SP7: variants seen among roughly 807,000 people sequenced by gnomAD.
The protein encoded by SP7 is Sp7 transcription factor.
In SP7, 13 loss-of-function variants were observed where a neutral mutation model predicts 27.9. The observed-to-expected ratio is 0.47, with a 90% confidence interval of 0.30 to 0.74. The LOEUF is 0.74. Ranked by LOEUF, SP7 falls within the 30% of genes least tolerant of loss-of-function variation. The pLI is 0.06. For missense variants in SP7, 525 were observed against 558.0 expected (o/e 0.94, Z 0.60); for synonymous variants, 219 against 226.7 (o/e 0.97, Z 0.31).
chr12:53,339,586 G>A (rs968013065), upstream of SP7, among the ~76,000 whole-genome samples: 12 of 152,012 alleles, frequency 7.9e-5, no homozygotes, highest in East Asian at 1.9e-4. Context: ...TCAGCTGAGC[G>A]TGGTGACGGG....
At chr12:53,335,879 A>G in intron 1 of SP7, 186 bp from the exon 2 acceptor site, 1 of 1,277,640 alleles carries the variant, frequency 7.8e-7, no homozygotes, top group Non-Finnish European at 1.0e-6. Flanking sequence ...GGAGGGCGAG[A>G]GAGGGAGGCA....
At chr12:53,342,189 G>C (rs1459426646) in intron 1 of SP7, among the ~76,000 whole-genome samples, 1 of 152,040 alleles carries the variant, frequency 6.6e-6, no homozygotes, top group East Asian at 1.9e-4. Flanking sequence ...CTTGAACCCA[G>C]AAGGCAGAGA....
In SP7 at chr12:53,326,804, G is replaced by T. The variant is rs996561664; in HGVS notation, c.*1342C>A. 2 of 152,474 alleles carry T rather than the reference G, an allele frequency of 1.3e-5. No individual in the cohort carries two copies. The highest frequency in any genetic ancestry group is 2.9e-5 in the Non-Finnish European group (2 of 68,034). 9.4% of individuals were successfully genotyped at this position (152,474 alleles called of 1,614,324 possible). On this transcript the variant is annotated 3_prime_UTR_variant, in exon 3 of 3. Coordinates refer to ENST00000536324, the MANE Select transcript of SP7 (RefSeq NM_001173467.3). ...ATGGGAGCATCCAAAGTCCCAGGGT[G>T]GGGGTGCGTGGATGCACCACCAGAT...
At chr12:53,339,287 G>T (rs1370150151), upstream of SP7, among the ~76,000 whole-genome samples, 1 of 152,180 alleles carries the variant, frequency 6.6e-6, no homozygotes. Context: ...CTGAACCACA[G>T]GAACCATTCC....
At chr12:53,339,370 A>T (rs1039402311), upstream of SP7, among the ~76,000 whole-genome samples, 4 of 152,224 alleles carry the variant, frequency 2.6e-5, no homozygotes, top group African/African-American at 9.7e-5. Context: ...CACCTGCCTC[A>T]GTTCTCCAAA....
At position 53,334,827 on chromosome 12, in the gene SP7, A is replaced by G. The variant is rs140340976; in HGVS notation, c.21+799T>C. ...AAACCCTGACCCCAGTGGTACCCCA[A>G]TTCCCTTTGTCCCCAGCACCAGAGG... is the stretch of plus-strand genomic sequence containing the variant. On this transcript the variant is annotated intron_variant, in intron 2 of 2. Transcript: ENST00000536324. Among the ~76,000 whole-genome samples, 35 of 152,300 alleles carry G rather than the reference A, an allele frequency of 2.3e-4. 1 individual carries two copies. In the East Asian group the frequency reaches 6.0e-3, roughly 26 times the overall value.
rs1003395141 is a variant in SP7, at chr12:53,328,045, G to T, written c.*101C>A. Reference sequence around the variant, plus strand: ...GAGACAGAGGGAGAGAGCCCCGAAGGATGGCATGCATGGGGTAAAGAGAGT... The same window carrying T: ...GAGACAGAGGGAGAGAGCCCCGAAGTATGGCATGCATGGGGTAAAGAGAGT... On this transcript the variant is annotated 3_prime_UTR_variant, in exon 3 of 3. Transcript: ENST00000536324. The surrounding 1 kb of genome is among the most constrained non-coding windows in gnomAD (Gnocchi z 5.1). 8 of 1,244,898 alleles carry T rather than the reference G, an allele frequency of 6.4e-6. No homozygotes were observed. The highest frequency in any genetic ancestry group is 1.5e-5 in the African/African-American group (1 of 65,872). The allele number at this position is 1,244,898 out of a possible 1,614,324, so 77.1% of individuals were successfully genotyped here.
intron 1 of SP7, among the ~76,000 whole-genome samples, chr12:53,341,499 C>G (rs1467086785): frequency 6.6e-6 from 1 of 152,164 alleles, no homozygotes; most frequent in African/African-American, 2.4e-5. Context: ...CTGGTCATCT[C>G]TAGAAAATGA....
At chr12:53,330,287 C>T (rs563970168) in intron 2 of SP7, among the ~76,000 whole-genome samples, 15 of 152,028 alleles carry the variant, frequency 9.9e-5, no homozygotes, top group Non-Finnish European at 1.3e-4. Context: ...CCTCAAGTGA[C>T]CCAAAACTCC....
intron 2 of SP7, among the ~76,000 whole-genome samples, chr12:53,331,470 C>A (rs79144606): frequency 3.7e-3 from 392 of 105,282 alleles, no homozygotes; most frequent in Middle Eastern, 5.2e-3. Flanking sequence ...GACTCCATCT[C>A]AAAAAAAAAA....
At chr12:53,330,656 C>G (rs1258213075) in intron 2 of SP7, among the ~76,000 whole-genome samples, 4 of 152,184 alleles carry the variant, frequency 2.6e-5, no homozygotes, top group African/African-American at 9.7e-5. Context: ...AGATGAGGCT[C>G]AAAGTGCAGT....
Position 53,328,662 on chromosome 12 carries a change from A to G in SP7, c.780T>C (p.Tyr260=), listed in dbSNP as rs1295224596. 3 of 1,610,238 alleles carry G rather than the reference A, an allele frequency of 1.9e-6. No individual in the cohort carries two copies. Among genetic ancestry groups the G allele is most frequent in the East Asian group, 4.5e-5 (2 of 44,750 alleles). ...AGGAGCGCCCTGCCCCACTGCCCCC[A>G]TATCCACCACTACCCCCAGTGCTTG... ...RGASTGGSGG[Y]GGSGAGRSSC... Residue 260 remains tyrosine (Y), a synonymous_variant, in exon 3 of 3, where the codon TAT becomes TAC. Transcript: ENST00000536324. This position sits in a 1 kb window ranked among gnomAD's most constrained non-coding sequence, Gnocchi z 5.1.
chr12:53,334,967 C>T (rs979408872), intron 2 of SP7, among the ~76,000 whole-genome samples: 4 of 152,170 alleles, frequency 2.6e-5, no homozygotes, highest in Non-Finnish European at 4.4e-5. Flanking sequence ...ATTTGTAAGC[C>T]GGGCAAGCGG....
At position 53,326,934 on chromosome 12, in the gene SP7, C is replaced by CTTGAT. The variant is rs4020526; in HGVS notation, c.*1211_*1212insATCAA. On this transcript the variant is annotated 3_prime_UTR_variant, in exon 3 of 3. Transcript: ENST00000536324. The stretch of plus-strand genomic sequence containing the variant: ...GCACAGAGTAGGCACTCAATACATA[C>CTTGAT]TTATTTGAATCTGATCCTAGAGAAA... 0.96 allele frequency: 145,590 copies of CTTGAT among 152,080 alleles called. 70,011 individuals are homozygous for CTTGAT. Among genetic ancestry groups the CTTGAT allele is most frequent in the East Asian group, 1 (5,178 of 5,178 alleles). 9.4% of individuals were successfully genotyped at this position (152,080 alleles called of 1,614,324 possible).
At chr12:53,343,825 A>G (rs1487108842) in intron 1 of SP7, among the ~76,000 whole-genome samples, 3 of 152,116 alleles carry the variant, frequency 2.0e-5, no homozygotes, top group Non-Finnish European at 4.4e-5. Context: ...CGGGCAGATC[A>G]CTTGAGCCCA....
upstream of SP7, among the ~76,000 whole-genome samples, chr12:53,339,229 G>A (rs1005957650): frequency 1.3e-5 from 2 of 152,162 alleles, no homozygotes; most frequent in Non-Finnish European, 2.9e-5. Context: ...TGCCCCAGAC[G>A]GAAGGGGTGG....
chr12:53,337,654 A>G (rs770980202), upstream of SP7, among the ~76,000 whole-genome samples: 14 of 152,184 alleles, frequency 9.2e-5, no homozygotes, highest in South Asian at 6.2e-4. Flanking sequence ...CAGATCTCCA[A>G]AGAAAAAGCT....
rs1309720543 is a variant in SP7 at position 53,331,593 on chromosome 12, C to T, written c.22-2173G>A. On this transcript the variant is annotated intron_variant, in intron 2 of 2. Transcript: ENST00000536324. ...GAACTCATGGTTCCTGATGGTGCCT[C>T]TCCCTGGGTGAGGCATCCAAGGAGG... Among the ~76,000 whole-genome samples the T allele has an allele frequency of 2.6e-5, 4 of 152,130 alleles. No individual in the cohort carries two copies. In the East Asian group the frequency reaches 5.8e-4, roughly 22 times the overall value.
In SP7 at chr12:53,328,303, C is replaced by T; in HGVS notation, c.1139G>A (p.Gly380Asp). Residue 380 changes from glycine (G) to aspartate (D), a missense_variant, in exon 3 of 3, where the codon GGC becomes GAC. By Grantham distance (94) the Gly-to-Asp change is moderately conservative. Transcript: ENST00000536324. This position sits in a 1 kb window ranked among gnomAD's most constrained non-coding sequence, Gnocchi z 5.1. The stretch of plus-strand genomic sequence containing the variant: ...GGGGCCACTGGGAGGGGGACCCGGG[C>T]CTGGTTCTCCATGGGTGCGCTGGTG... The part of the protein sequence containing the change: ...SKHQRTHGEP[G>D]PGPPPSGPKE... 6.2e-7 allele frequency: 1 copy of T among 1,610,496 alleles called. No homozygotes were observed. Among genetic ancestry groups the T allele is most frequent in the Middle Eastern group, 1.7e-4 (1 of 6,032 alleles).
Sources: gnomAD v4.1 joint callset for allele counts (sites outside exome capture counted in the v4.1 genomes callset) on GRCh38, gnomAD v4.1.1 for gene constraint, Gnocchi (gnomAD v3.1) non-coding constraint, MANE v1.5 for transcripts, NCBI Gene and HGNC (gene_info 2026-07-23, HGNC 2026-07-21) for gene names.